The following XKR4 variants were observed in gnomAD, a reference collection of about 807,000 sequenced individuals.
XKR4 encodes XK-related protein 4.
XKR4 carries 12 observed loss-of-function variants against 53.9 expected under a neutral mutation model. The observed-to-expected ratio is 0.22, with a 90% CI of 0.14 to 0.36. The LOEUF (loss-of-function observed/expected upper bound fraction) is 0.36. XKR4 is among the 10% of genes least tolerant of loss of function. The pLI, the probability that XKR4 is intolerant of heterozygous loss-of-function variation, is 1.00. For synonymous variants in XKR4, 354 were observed against 362.4 expected (o/e 0.98, Z 0.26); for missense variants, 799 against 859.5 (o/e 0.93, Z 0.88).
At chr8:55,141,353 A>G (rs1816698967) in intron 1 of XKR4, among the ~76,000 whole-genome samples, 1 of 151,516 alleles carries the variant, frequency 6.6e-6, no homozygotes, top group Non-Finnish European at 1.5e-5. Context: ...GTGCCCCTCA[A>G]CTGTGGCCGC....
chr8:55,367,635 G>A (rs145933905), intron 2 of XKR4, among the ~76,000 whole-genome samples: 18 of 152,278 alleles, frequency 1.2e-4, no homozygotes, highest in African/African-American at 3.4e-4. Context: ...ACTCCAAAAC[G>A]TGGCATTTTG....
intron 1 of XKR4, among the ~76,000 whole-genome samples, chr8:55,340,059 TACATGCCC>T (rs1803519215): frequency 6.6e-6 from 1 of 152,230 alleles, no homozygotes; most frequent in South Asian, 2.1e-4. Flanking sequence ...AGAATACGTG[TACATGCCC>T]ATTCTGTATT....
intron 2 of XKR4, among the ~76,000 whole-genome samples, chr8:55,443,558 A>C (rs1805301325): frequency 7.6e-6 from 1 of 131,488 alleles, no homozygotes; most frequent in Non-Finnish European, 1.6e-5. Flanking sequence ...AAAAAAAAAC[A>C]GAAGGAGGGG....
intron 1 of XKR4, among the ~76,000 whole-genome samples, chr8:55,139,232 A>G (rs2129353978): frequency 6.6e-6 from 1 of 152,316 alleles, no homozygotes; most frequent in South Asian, 2.1e-4. Flanking sequence ...TGCAATAAGG[A>G]AATGTAAGAA....
At chr8:55,495,435 C>A (rs908561741) in intron 2 of XKR4, among the ~76,000 whole-genome samples, 1 of 152,220 alleles carries the variant, frequency 6.6e-6, no homozygotes, top group Non-Finnish European at 1.5e-5. Context: ...GGAGCATGAA[C>A]CCCCAGCTGT....
In XKR4 at chr8:55,454,333, G is replaced by A. The variant is rs1805518017; in HGVS notation, c.1007-68948G>A. 3.3e-6 allele frequency: 5 copies of A among 1,502,934 alleles called. No homozygotes were observed. The South Asian group carries it at 5.6e-5, about 17-fold the overall frequency. The allele number at this position is 1,502,934 out of a possible 1,614,324, so 93.1% of individuals were successfully genotyped here. A position where few individuals can be genotyped will look rare whatever the true frequency, so the allele number is the denominator to read the frequency against. ...CGATTATGAAGGGCGTGGGTGTGCT[G>A]AGGGCCTCCAGCAGCTGGGCCGGCA... On this transcript the variant is annotated intron_variant, in intron 2 of 2. Transcript: ENST00000327381.
intron 1 of XKR4, among the ~76,000 whole-genome samples, chr8:55,283,174 T>A (rs1409384556): frequency 6.6e-6 from 1 of 152,238 alleles, no homozygotes. Flanking sequence ...TGCCTAATGA[T>A]GCAATTCTCA....
chr8:55,459,315 A>C (rs1911148), intron 2 of XKR4, among the ~76,000 whole-genome samples: 61,266 of 152,034 alleles, frequency 0.4, 13,081 homozygotes, highest in East Asian at 0.53. Flanking sequence ...AAGAGCTAAA[A>C]CTATAAAACT....
intron 2 of XKR4, among the ~76,000 whole-genome samples, chr8:55,478,203 T>G (rs11988849): frequency 6.6e-6 from 1 of 151,966 alleles, no homozygotes; most frequent in Non-Finnish European, 1.5e-5. Flanking sequence ...GCGGATCTCT[T>G]GGCAGAAACT....
intron 2 of XKR4, among the ~76,000 whole-genome samples, chr8:55,401,243 G>A (rs982205618): frequency 6.6e-6 from 1 of 152,194 alleles, no homozygotes; most frequent in Non-Finnish European, 1.5e-5. Flanking sequence ...ATTTGTTGTG[G>A]CTGTCCTGAG....
chr8:55,400,311 T>C (rs1293439894), intron 2 of XKR4, among the ~76,000 whole-genome samples: 1 of 151,798 alleles, frequency 6.6e-6, no homozygotes, highest in African/African-American at 2.4e-5. Context: ...CTAGAAATGT[T>C]CTGCCAAAAT....
intron 2 of XKR4, among the ~76,000 whole-genome samples, chr8:55,487,323 A>C (rs1386455681): frequency 6.6e-6 from 1 of 152,166 alleles, no homozygotes; most frequent in African/African-American, 2.4e-5. Context: ...CTATGAGCCC[A>C]CAGTCAGTTG....
intron 1 of XKR4, among the ~76,000 whole-genome samples, chr8:55,180,681 G>A (rs774948066): frequency 1.7e-4 from 26 of 151,972 alleles, no homozygotes; most frequent in Non-Finnish European, 3.4e-4. Context: ...ACAGGCACCC[G>A]CCACCACACT....
At chr8:55,290,997 A>T (rs944311176) in intron 1 of XKR4, among the ~76,000 whole-genome samples, 1 of 152,194 alleles carries the variant, frequency 6.6e-6, no homozygotes, top group African/African-American at 2.4e-5. Context: ...CTAAAAGTTT[A>T]ATCATTTCAT....
chr8:55,538,817 C>T lies in XKR4; in HGVS notation c.*14590C>T, dbSNP rs1471514593. The T allele has an allele frequency of 6.6e-6, 1 of 152,166 alleles. No individual in the cohort carries two copies. Among genetic ancestry groups the T allele is most frequent in the Non-Finnish European group, 1.5e-5 (1 of 68,032 alleles). The allele number at this position is 152,166 out of a possible 1,614,324, so 9.4% of individuals were successfully genotyped here. On this transcript the variant is annotated 3_prime_UTR_variant, in exon 3 of 3. Transcript: ENST00000327381. ...ATATTAGTGAGATTAGAGTTGGTGT[C>T]ATTTCCATTGAGTATCCTCTTCACC...
At chr8:55,416,641 G>A (rs1054610033) in intron 2 of XKR4, among the ~76,000 whole-genome samples, 1 of 152,166 alleles carries the variant, frequency 6.6e-6, no homozygotes, top group Non-Finnish European at 1.5e-5. Context: ...TCACAAGCAG[G>A]GGGGTGAAAA....
chr8:55,363,392 GT>G (rs919793891), intron 2 of XKR4, among the ~76,000 whole-genome samples: 16 of 152,188 alleles, frequency 1.1e-4, no homozygotes, highest in Non-Finnish European at 2.1e-4. Context: ...GCTGGAAGGG[GT>G]TTCTAATTAT....
chr8:55,376,020 G>T (rs1413336457), intron 2 of XKR4, among the ~76,000 whole-genome samples: 3 of 152,102 alleles, frequency 2.0e-5, no homozygotes, highest in African/African-American at 7.2e-5. Context: ...GAGAATAATG[G>T]CTTCCAGCTT....
At chr8:55,322,327 T>C (rs1215813597) in intron 1 of XKR4, among the ~76,000 whole-genome samples, 1 of 152,232 alleles carries the variant, frequency 6.6e-6, no homozygotes, top group African/African-American at 2.4e-5. Flanking sequence ...TAGTAATTCT[T>C]ATGTCCATAT....
Sources: gnomAD v4.1 joint callset for allele counts (sites outside exome capture counted in the v4.1 genomes callset) on GRCh38, gnomAD v4.1.1 for gene constraint, MANE v1.5 for transcripts, NCBI Gene and HGNC (gene_info 2026-07-23, HGNC 2026-07-21) for gene names.